The following CCNJL variants were observed in gnomAD, a reference collection of about 807,000 sequenced individuals.
The protein encoded by CCNJL is cyclin J like.
In CCNJL, 33 loss-of-function variants were observed where a neutral mutation model predicts 33.4. The ratio of observed to expected loss-of-function variants is 0.99; its 90% CI spans 0.75 to 1.32. CCNJL has a LOEUF of 1.32. Ranked by LOEUF, CCNJL falls within the 40% of genes most tolerant of loss-of-function variation. CCNJL has a pLI of 0.00. For synonymous variants in CCNJL, 227 were observed against 220.9 expected, an observed-to-expected ratio of 1.03 and a Z score of -0.24; for missense variants, 512 against 499.7, an observed-to-expected ratio of 1.02 and a Z score of -0.23.
At chr5:160,330,434 C>T (rs1330142126) in intron 1 of CCNJL, among the ~76,000 whole-genome samples, 1 of 152,176 alleles carries the variant, frequency 6.6e-6, no homozygotes, top group Non-Finnish European at 1.5e-5. Context: ...TGGCTGTGTT[C>T]ACTTCCTGCC....
intron 2 of CCNJL, among the ~76,000 whole-genome samples, chr5:160,306,125 T>A (rs1270586788): frequency 6.6e-6 from 1 of 151,896 alleles, no homozygotes; most frequent in Non-Finnish European, 1.5e-5. Context: ...AATACAAAAG[T>A]TAGCTGGGTG....
chr5:160,293,399 C>T (rs1432181630), intron 2 of CCNJL, among the ~76,000 whole-genome samples: 2 of 152,014 alleles, frequency 1.3e-5, no homozygotes, highest in South Asian at 4.2e-4. Flanking sequence ...GGTGACAGAG[C>T]GAGACTCCAT....
intron 4 of CCNJL, 140 bp downstream of exon 4, chr5:160,259,329 A>C: frequency 1.4e-6 from 1 of 693,776 alleles, no homozygotes; most frequent in South Asian, 2.1e-5. Flanking sequence ...TACTGCCTGC[A>C]AAGTTAAGAG....
chr5:160,266,506 G>A (rs996211613), intron 3 of CCNJL, among the ~76,000 whole-genome samples: 6 of 152,188 alleles, frequency 3.9e-5, no homozygotes, highest in African/African-American at 1.2e-4. Context: ...TCCTGGAGCA[G>A]GGGCAGGGCA....
intron 3 of CCNJL, among the ~76,000 whole-genome samples, chr5:160,264,727 C>G (rs148572207): frequency 6.6e-6 from 1 of 152,050 alleles, no homozygotes. Flanking sequence ...ATTCCTAGGT[C>G]CCCCCTCTCC....
intron 5 of CCNJL, chr5:160,254,330 A>G: frequency 4.5e-6 from 3 of 665,648 alleles, no homozygotes; most frequent in Admixed American, 4.6e-5. Context: ...TCATCTGAAA[A>G]GGGGGCTGGA....
chr5:160,300,691 T>TA (rs1452225665), intron 2 of CCNJL, among the ~76,000 whole-genome samples: 1 of 151,776 alleles, frequency 6.6e-6, no homozygotes, highest in African/African-American at 2.4e-5. Flanking sequence ...CTCTTTTTTT[T>TA]AAAAAAAGAG....
At chr5:160,330,300 A>C (rs1763589258) in intron 1 of CCNJL, among the ~76,000 whole-genome samples, 1 of 152,100 alleles carries the variant, frequency 6.6e-6, no homozygotes, top group Non-Finnish European at 1.5e-5. Flanking sequence ...AAAATTTCAG[A>C]TTGTGGCATC....
chr5:160,310,835 A>T (rs1763238118), intron 2 of CCNJL, among the ~76,000 whole-genome samples: 1 of 152,208 alleles, frequency 6.6e-6, no homozygotes, highest in Non-Finnish European at 1.5e-5. Flanking sequence ...GCCAAGGATG[A>T]CCAAGCACCA....
chr5:160,284,560 T>C (rs1165399303), intron 2 of CCNJL, among the ~76,000 whole-genome samples: 1 of 152,218 alleles, frequency 6.6e-6, no homozygotes. Flanking sequence ...AAGCCACAGA[T>C]GCTCTGGGAG....
At chr5:160,270,077 G>A (rs1289523493) in intron 3 of CCNJL, among the ~76,000 whole-genome samples, 4 of 152,058 alleles carry the variant, frequency 2.6e-5, no homozygotes, top group African/African-American at 7.2e-5. Context: ...TTGGGAGGCC[G>A]AGGCTGGTGG....
intron 2 of CCNJL, among the ~76,000 whole-genome samples, chr5:160,305,350 AG>A (rs1361411197): frequency 1.3e-5 from 2 of 152,196 alleles, no homozygotes; most frequent in African/African-American, 4.8e-5. Flanking sequence ...GGGGGCCCTG[AG>A]GTGTCCTTTT....
rs759284864 is a variant in CCNJL, at chr5:160,253,418, C to T, written c.1124G>A (p.Ser375Asn). 6.2e-7 allele frequency: 1 copy of T among 1,601,844 alleles called. No individual in the cohort carries two copies. The highest frequency in any genetic ancestry group is 1.1e-5 in the South Asian group (1 of 89,432). Reference sequence around the variant, plus strand: ...GCCGGTGGGGAACATGTGGCTCCCACTGAAGTAGCTGCTTCCATAGGTGGT... The same window carrying T: ...GCCGGTGGGGAACATGTGGCTCCCATTGAAGTAGCTGCTTCCATAGGTGGT... ...LATTYGSSYF[S>N]GSHMFPTGCF... The change falls in exon 6 of 6, where the codon AGT (serine) becomes AAT (asparagine). Residue 375 changes from serine to asparagine, a missense_variant. Physicochemically the swap from Ser to Asn is conservative, Grantham distance 46 (BLOSUM62 1). Transcript: ENST00000257536.
intron 2 of CCNJL, among the ~76,000 whole-genome samples, chr5:160,306,415 C>G (rs1295324692): frequency 6.6e-6 from 1 of 152,098 alleles, no homozygotes; most frequent in African/African-American, 2.4e-5. Flanking sequence ...TGAGAAGACC[C>G]CTAAGGTATC....
chr5:160,285,500 CTGGCCAACAGAGGGAAGTCG>C (rs539022058), intron 2 of CCNJL, among the ~76,000 whole-genome samples: 456 of 152,292 alleles, frequency 3.0e-3, no homozygotes, highest in Middle Eastern at 0.01. Context: ...ACAGAAGGTC[CTGGCCAACAGAGGGAAGTCG>C]TGGCCAACAG....
chr5:160,308,768 C>G (rs1425982592), intron 2 of CCNJL, among the ~76,000 whole-genome samples: 2 of 152,152 alleles, frequency 1.3e-5, no homozygotes, highest in Non-Finnish European at 2.9e-5. Context: ...AGAAACCAAC[C>G]AACCAAACAA....
intron 2 of CCNJL, among the ~76,000 whole-genome samples, chr5:160,310,463 G>T (rs941971414): frequency 1.3e-5 from 2 of 152,188 alleles, no homozygotes; most frequent in Admixed American, 1.3e-4. Flanking sequence ...ACTCAATGAG[G>T]TAAAAACACT....
intron 1 of CCNJL, among the ~76,000 whole-genome samples, chr5:160,330,593 G>A (rs911617656): frequency 6.6e-6 from 1 of 152,112 alleles, no homozygotes; most frequent in East Asian, 1.9e-4. Flanking sequence ...TGGCCACCAG[G>A]TCACCCCTGA....
intron 1 of CCNJL, among the ~76,000 whole-genome samples, chr5:160,320,805 CTT>C (rs1270528459): frequency 1.3e-5 from 1 of 74,578 alleles, no homozygotes; most frequent in Non-Finnish European, 3.0e-5. Context: ...TTCTTTCTTT[CTT>C]TCTTTCTTTC....
Sources: allele counts gnomAD v4.1 joint callset (sites outside exome capture counted in the v4.1 genomes callset), GRCh38; gene constraint gnomAD v4.1.1; transcripts MANE v1.5; gene names NCBI Gene and HGNC (gene_info 2026-07-23, HGNC 2026-07-21).